EHBP1: variants seen among roughly 807,000 people sequenced by gnomAD.
EHBP1 encodes the protein EH domain binding protein 1.
In EHBP1, 55 loss-of-function variants were observed where a neutral mutation model predicts 144.0. That is an observed-to-expected ratio of 0.38 (90% CI 0.31 to 0.48). EHBP1 has a LOEUF of 0.48. Ranked by LOEUF, EHBP1 falls within the 20% of genes least tolerant of loss-of-function variation. EHBP1 has a pLI of 0.98. For missense variants in EHBP1, 1,200 were observed against 1,364.2 expected (o/e 0.88, Z 1.90); for synonymous variants, 469 against 472.7 (o/e 0.99, Z 0.10).
intron 10 of EHBP1, among the ~76,000 whole-genome samples, chr2:62,889,957 GA>G (rs1351575103): frequency 4.8e-5 from 7 of 146,836 alleles, no homozygotes; most frequent in Non-Finnish European, 9.0e-5. Flanking sequence ...TATTCCATAT[GA>G]ATTTTTTTTT....
chr2:62,849,357 A>C (rs931322793), intron 7 of EHBP1, among the ~76,000 whole-genome samples: 4 of 152,120 alleles, frequency 2.6e-5, no homozygotes, highest in Non-Finnish European at 5.9e-5. Flanking sequence ...TTTTCAGCCA[A>C]GATCAAACGT....
chr2:62,924,959 A>G (rs1385212856), intron 10 of EHBP1, among the ~76,000 whole-genome samples: 1 of 152,240 alleles, frequency 6.6e-6, no homozygotes, highest in Non-Finnish European at 1.5e-5. Context: ...TCAACAAAAT[A>G]CTAACAAATT....
chr2:62,922,760 G>A (rs994098819), intron 10 of EHBP1, among the ~76,000 whole-genome samples: 5 of 152,094 alleles, frequency 3.3e-5, no homozygotes, highest in Admixed American at 6.5e-5. Flanking sequence ...AGTCCAGGAG[G>A]GCAGCATGAA....
Position 62,933,378 on chromosome 2 carries a change from A to T in EHBP1, c.1186-9340A>T, listed in dbSNP as rs1016910922. 5.3e-5 allele frequency among the ~76,000 whole-genome samples: 8 copies of T among 152,306 alleles called. No homozygotes were observed. The South Asian group carries it at 1.0e-3, about 20-fold the overall frequency. On this transcript the variant is annotated intron_variant, in intron 10 of 22. Coordinates refer to ENST00000431489, the MANE Select transcript of EHBP1 (RefSeq NM_001142616.3). ...AAATATATAATGTTAAAGAGAATTTAAATACTTCTCAAATGATTAGAGATT... is the reference window on the plus strand; with the variant it reads ...AAATATATAATGTTAAAGAGAATTTTAATACTTCTCAAATGATTAGAGATT...
Position 63,034,931 on chromosome 2 carries a change from T to C in EHBP1, c.3104-2604T>C, listed in dbSNP as rs2061394630. Among the ~76,000 whole-genome samples, 3 of 152,120 alleles carry C rather than the reference T, an allele frequency of 2.0e-5. No individual in the cohort carries two copies. In the South Asian group the frequency reaches 6.2e-4, roughly 31 times the overall value. The stretch of plus-strand genomic sequence containing the variant: ...TGTCTAAGCTGAGGAAGTTGCATTC[T>C]GCCCTTTAAAAGTCTGATGGACAAA... On this transcript the variant is annotated intron_variant, in intron 19 of 22. Coordinates refer to ENST00000431489, the MANE Select transcript of EHBP1 (RefSeq NM_001142616.3).
At chr2:62,940,302 A>G in intron 10 of EHBP1, 1 of 245,774 alleles carries the variant, frequency 4.1e-6, no homozygotes, top group South Asian at 6.4e-5. Flanking sequence ...AGCTATTTTA[A>G]TAAATTGATT....
rs756629053 is a variant in EHBP1, at chr2:62,990,835, A to G, written c.2728A>G (p.Met910Val). Reference protein sequence around the residue: ...KAVTESSEQDMKSGTEDLRTE... With the variant: ...KAVTESSEQDVKSGTEDLRTE... ...TGTAACTGAGAGCTCAGAGCAGGAC[A>G]TGAAAGTAAGTCTTACTTGTTTAAA... The change falls in exon 16 of 23, where the codon ATG becomes GTG. Residue 910 changes from methionine (M) to valine (V), a missense_variant. Around this residue, in one of 6 missense-constraint regions of EHBP1, gnomAD observed 543 missense variants for 513.1 expected, o/e 1.06. Transcript: ENST00000431489. 2.5e-6 allele frequency: 4 copies of G among 1,611,568 alleles called. No homozygotes were observed. The highest frequency in any genetic ancestry group is 4.5e-5 in the East Asian group (2 of 44,794).
intron 5 of EHBP1, among the ~76,000 whole-genome samples, chr2:62,799,003 C>CAAAAAAA (rs757731955): frequency 1.2e-4 from 9 of 76,774 alleles, no homozygotes; most frequent in East Asian, 8.0e-4. Context: ...GACTCCGTCT[C>CAAAAAAA]AAAAAAAAAA....
intron 5 of EHBP1, among the ~76,000 whole-genome samples, chr2:62,800,028 G>T (rs1043292000): frequency 6.6e-6 from 1 of 152,156 alleles, no homozygotes; most frequent in Non-Finnish European, 1.5e-5. Context: ...AGGTGAAAAC[G>T]TGCTGTCTGG....
At chr2:62,956,602 C>G (rs2153114208) in intron 14 of EHBP1, among the ~76,000 whole-genome samples, 1 of 149,950 alleles carries the variant, frequency 6.7e-6, no homozygotes, top group Non-Finnish European at 1.5e-5. Context: ...GTACCCAACA[C>G]TTTGAGAGGC....
chr2:62,965,303 T>TTTAA lies in EHBP1; in HGVS notation c.2460+9646_2460+9647insATTA, dbSNP rs571147413. On this transcript the variant is annotated intron_variant, in intron 14 of 22. Transcript: ENST00000431489. The stretch of plus-strand genomic sequence containing the variant: ...ACATCTTACTCTATTTTGTGAAATG[T>TTTAA]TTAGCAAGTTTATTTTCCTCTCTCT... 1.1e-4 allele frequency among the ~76,000 whole-genome samples: 16 copies of TTTAA among 152,316 alleles called. No individual in the cohort carries two copies. In the South Asian group the frequency reaches 1.9e-3, roughly 18 times the overall value.
intron 2 of EHBP1, among the ~76,000 whole-genome samples, chr2:62,730,147 T>C (rs191101901): frequency 6.6e-6 from 1 of 152,230 alleles, no homozygotes; most frequent in East Asian, 1.9e-4. Context: ...TACAGAAAAA[T>C]TAAGTAGAGT....
chr2:62,791,158 A>G (rs1469071650), intron 5 of EHBP1, among the ~76,000 whole-genome samples: 1 of 151,720 alleles, frequency 6.6e-6, no homozygotes, highest in Admixed American at 6.6e-5. Flanking sequence ...CATTTTCTTC[A>G]CTCCCAGACT....
intron 10 of EHBP1, among the ~76,000 whole-genome samples, chr2:62,888,899 G>T (rs570602391): frequency 6.6e-6 from 1 of 152,164 alleles, no homozygotes; most frequent in African/African-American, 2.4e-5. Flanking sequence ...AACAAAAAAT[G>T]CACAGTGGAG....
intron 1 of EHBP1, among the ~76,000 whole-genome samples, chr2:62,691,764 G>A (rs1036889142): frequency 6.6e-6 from 1 of 152,204 alleles, no homozygotes; most frequent in African/African-American, 2.4e-5. Context: ...AACTTTAAGA[G>A]TAGGGAACAT....
chr2:62,844,689 A>G (rs549437881), intron 7 of EHBP1, among the ~76,000 whole-genome samples: 1 of 152,286 alleles, frequency 6.6e-6, no homozygotes, highest in Non-Finnish European at 1.5e-5. Context: ...GCCCTGATGA[A>G]TACATCACAG....
chr2:62,839,041 AAG>A (rs2047558319), intron 7 of EHBP1, among the ~76,000 whole-genome samples: 1 of 148,620 alleles, frequency 6.7e-6, no homozygotes, highest in African/African-American at 2.5e-5. Context: ...GCAACCAAAA[AAG>A]AGAATTTTAG....
chr2:62,740,787 G>A (rs927889870), intron 2 of EHBP1, among the ~76,000 whole-genome samples: 8 of 152,124 alleles, frequency 5.3e-5, no homozygotes, highest in Non-Finnish European at 1.0e-4. Context: ...GGCTTTCCAA[G>A]TTTTGAGGTA....
rs918812340 is a variant in EHBP1, at chr2:62,771,529, T to G, written c.312+137T>G. On this transcript the variant is annotated intron_variant, in intron 5 of 22. Transcript: ENST00000431489. ...TAGTGATTTGTAGCTTTTAGAATGT[T>G]TTTAATGAAATGATAGCCAGTAACA... 4.9e-6 allele frequency: 3 copies of G among 618,330 alleles called. No individual in the cohort carries two copies. The African/African-American group carries it at 5.6e-5, about 12-fold the overall frequency. The allele number at this position is 618,330 out of a possible 1,614,324, so 38.3% of individuals were successfully genotyped here.
Sources: gnomAD v4.1 joint callset for allele counts (sites outside exome capture counted in the v4.1 genomes callset) on GRCh38, gnomAD v4.1.1 for gene constraint, gnomAD v4.1.1 regional missense constraint, MANE v1.5 for transcripts, NCBI Gene and HGNC (gene_info 2026-07-23, HGNC 2026-07-21) for gene names.